SH3BGRL2: variants seen among roughly 807,000 people sequenced by gnomAD.
SH3BGRL2 encodes the protein SH3 domain binding glutamate rich protein like 2.
Under a neutral mutation model 14.8 loss-of-function variants are expected in SH3BGRL2, and 21 were observed. That is an observed-to-expected ratio of 1.42 (90% CI 1.01 to 2.05). SH3BGRL2 has a LOEUF of 2.05. Among genes scored for constraint, SH3BGRL2 ranks in the 30% most tolerant of loss-of-function variants. The pLI is 0.00. For missense variants in SH3BGRL2, 147 were observed against 130.8 expected, an observed-to-expected ratio of 1.12 and a Z score of -0.61; for synonymous variants, 50 against 47.8, an observed-to-expected ratio of 1.05 and a Z score of -0.19.
At chr6:79,585,593 C>T in the SH3BGRL2 span, among the ~76,000 whole-genome samples, 2 of 152,098 alleles carry the variant, frequency 1.3e-5, no homozygotes, top group Non-Finnish European at 2.9e-5. Flanking sequence ...CTCTAGTGTG[C>T]CAGATCTGTG....
chr6:79,690,523 C>T (rs1770190737), intron 2 of SH3BGRL2, among the ~76,000 whole-genome samples: 2 of 152,152 alleles, frequency 1.3e-5, no homozygotes. Flanking sequence ...TTAGGAGCAA[C>T]TCTACTGGAT....
At chr6:79,607,351 G>T in the SH3BGRL2 span, among the ~76,000 whole-genome samples, 1 of 152,104 alleles carries the variant, frequency 6.6e-6, no homozygotes, top group Admixed American at 6.6e-5. Context: ...GCACAGCTGG[G>T]GAAACCACAC....
At chr6:79,595,999 C>A in the SH3BGRL2 span, among the ~76,000 whole-genome samples, 1 of 151,866 alleles carries the variant, frequency 6.6e-6, no homozygotes, top group South Asian at 2.1e-4. Context: ...GATCAACATA[C>A]AAAAATCAAT....
the SH3BGRL2 span, among the ~76,000 whole-genome samples, chr6:79,538,039 T>G: frequency 2.9e-5 from 4 of 138,750 alleles, no homozygotes; most frequent in Non-Finnish European, 6.1e-5. Context: ...TTTTTTTTTT[T>G]TTTTTTTTTT....
chr6:79,644,692 T>C (rs111583469), intron 1 of SH3BGRL2, among the ~76,000 whole-genome samples: 9 of 152,270 alleles, frequency 5.9e-5, no homozygotes, highest in African/African-American at 2.2e-4. Context: ...TTTACTTCTC[T>C]GGATCTCAGA....
the SH3BGRL2 span, among the ~76,000 whole-genome samples, chr6:79,609,316 A>G: frequency 6.6e-6 from 1 of 152,204 alleles, no homozygotes; most frequent in Non-Finnish European, 1.5e-5. Flanking sequence ...TGAAAGATCT[A>G]TGTTTGACTG....
the SH3BGRL2 span, among the ~76,000 whole-genome samples, chr6:79,548,175 A>G: frequency 6.6e-6 from 1 of 152,118 alleles, no homozygotes; most frequent in Non-Finnish European, 1.5e-5. Flanking sequence ...AGCCATACGT[A>G]ATTTTGTATC....
intron 1 of SH3BGRL2, among the ~76,000 whole-genome samples, chr6:79,664,680 A>G (rs973680984): frequency 3.3e-5 from 5 of 152,228 alleles, no homozygotes; most frequent in Non-Finnish European, 7.3e-5. Flanking sequence ...TTCATCAGTC[A>G]TATAAAGGTT....
intron 2 of SH3BGRL2, among the ~76,000 whole-genome samples, chr6:79,693,424 C>CATCAATACCTAATTTA (rs1562160016): frequency 2.7e-5 from 4 of 150,930 alleles, no homozygotes; most frequent in African/African-American, 9.9e-5. Flanking sequence ...GAGGGCATCC[C>CATCAATACCTAATTTA]TGTCTTGTGC....
At chr6:79,570,527 C>G in the SH3BGRL2 span, among the ~76,000 whole-genome samples, 1 of 152,172 alleles carries the variant, frequency 6.6e-6, no homozygotes, top group Non-Finnish European at 1.5e-5. Context: ...ACTTCTAAAG[C>G]AAATTCTTTA....
chr6:79,648,908 T>TAA (rs1305569008), intron 1 of SH3BGRL2, among the ~76,000 whole-genome samples: 2 of 152,274 alleles, frequency 1.3e-5, no homozygotes, highest in Non-Finnish European at 2.9e-5. Flanking sequence ...TTATTAAAGA[T>TAA]AACTTTATTG....
chr6:79,555,669 C>T, the SH3BGRL2 span, among the ~76,000 whole-genome samples: 2 of 152,018 alleles, frequency 1.3e-5, no homozygotes, highest in Admixed American at 6.6e-5. Flanking sequence ...ACCACCATGC[C>T]CAGCTAATTT....
intron 1 of SH3BGRL2, among the ~76,000 whole-genome samples, chr6:79,671,153 C>A (rs562964205): frequency 3.9e-5 from 6 of 152,186 alleles, no homozygotes; most frequent in East Asian, 3.9e-4. Context: ...GTTGAAGGTA[C>A]CTTCCACCCA....
At chr6:79,672,484 T>C (rs777655500) in intron 1 of SH3BGRL2, among the ~76,000 whole-genome samples, 1 of 152,180 alleles carries the variant, frequency 6.6e-6, no homozygotes, top group Non-Finnish European at 1.5e-5. Flanking sequence ...CCTACTAATA[T>C]GTCTTGGAGA....
At chr6:79,647,914 C>CT (rs1769175993) in intron 1 of SH3BGRL2, among the ~76,000 whole-genome samples, 1 of 151,876 alleles carries the variant, frequency 6.6e-6, no homozygotes, top group African/African-American at 2.4e-5. Context: ...TTAATGACCC[C>CT]TTTTTTCCAT....
At chr6:79,692,717 T>G (rs1049678392) in intron 2 of SH3BGRL2, among the ~76,000 whole-genome samples, 1 of 152,190 alleles carries the variant, frequency 6.6e-6, no homozygotes, top group Non-Finnish European at 1.5e-5. Flanking sequence ...CTGATCTATA[T>G]CTCTGTTTTG....
At chr6:79,688,844 T>G (rs925228092) in intron 2 of SH3BGRL2, among the ~76,000 whole-genome samples, 4 of 152,158 alleles carry the variant, frequency 2.6e-5, no homozygotes, top group African/African-American at 9.7e-5. Flanking sequence ...CTTATCTCTA[T>G]CATATCTACT....
At chr6:79,574,934 A>T in the SH3BGRL2 span, 1 of 152,150 alleles carries the variant, frequency 6.6e-6, no homozygotes, top group African/African-American at 2.4e-5. Context: ...GGATTTTTTC[A>T]TAGCATAGCG....
At chr6:79,643,661 C>A (rs909591220) in intron 1 of SH3BGRL2, among the ~76,000 whole-genome samples, 5 of 152,176 alleles carry the variant, frequency 3.3e-5, no homozygotes, top group African/African-American at 9.7e-5. Flanking sequence ...GGTATAGTAG[C>A]TATTCATAAT....
Sources: gnomAD v4.1 joint callset for allele counts (sites outside exome capture counted in the v4.1 genomes callset) on GRCh38, gnomAD v4.1.1 for gene constraint, MANE v1.5 for transcripts, NCBI Gene and HGNC (gene_info 2026-07-23, HGNC 2026-07-21) for gene names.